The following SIL1 variants were observed in gnomAD, a reference collection of about 807,000 sequenced individuals.
SIL1 encodes the protein SIL1 nucleotide exchange factor, also known as nucleotide exchange factor SIL1.
In SIL1, 40 loss-of-function variants were observed where a neutral mutation model predicts 49.1. That is an observed-to-expected ratio of 0.81 (90% CI 0.63 to 1.06). SIL1 has a LOEUF of 1.06. SIL1 is among the 50% of genes least tolerant of loss of function. The pLI, the probability that SIL1 is intolerant of heterozygous loss-of-function variation, is 0.00. For synonymous variants in SIL1, 253 were observed against 250.8 expected, an observed-to-expected ratio of 1.01 and a Z score of -0.08; for missense variants, 500 against 572.6, an observed-to-expected ratio of 0.87 and a Z score of 1.29.
intron 1 of SIL1, among the ~76,000 whole-genome samples, chr5:139,168,598 T>G (rs1169555475): frequency 6.7e-6 from 1 of 149,392 alleles, no homozygotes; most frequent in Non-Finnish European, 1.5e-5. Context: ...TGAAGTGACT[T>G]CCTGGAGATT....
intron 1 of SIL1, among the ~76,000 whole-genome samples, chr5:139,154,780 T>C (rs1255581449): frequency 2.0e-5 from 3 of 152,218 alleles, no homozygotes; most frequent in Non-Finnish European, 4.4e-5. Context: ...GAAACTAGTG[T>C]TGTAAAACAC....
rs767616943 is a variant in SIL1 at position 139,121,060 on chromosome 5, C to T, written c.219G>A (p.Thr73=). 7 of 1,613,988 alleles carry T rather than the reference C, an allele frequency of 4.3e-6. No individual in the cohort carries two copies. The highest frequency in any genetic ancestry group is 1.1e-5 in the South Asian group (1 of 91,070). ...DAEVLEVFHP[T]HEWQALQPGQ... ...CTGGCTGAAGGGCCTGCCACTCATG[C>T]GTCGGGTGGAACACCTCCAGGACTT... The change falls in exon 3 of 10, where the codon ACG becomes ACA. Residue 73 remains threonine, a synonymous_variant. Coordinates refer to ENST00000394817, the MANE Select transcript of SIL1 (RefSeq NM_022464.5).
chr5:139,097,806 C>G (rs1275297725), intron 3 of SIL1, among the ~76,000 whole-genome samples: 4 of 152,084 alleles, frequency 2.6e-5, no homozygotes, highest in African/African-American at 9.7e-5. Context: ...TATATGCCAA[C>G]AGTGAACAAT....
chr5:139,167,542 A>G (rs1273469727), intron 1 of SIL1, among the ~76,000 whole-genome samples: 2 of 152,232 alleles, frequency 1.3e-5, no homozygotes, highest in Non-Finnish European at 2.9e-5. Context: ...TAATGTATAA[A>G]TATTTTTGTG....
At chr5:138,951,653 C>G in intron 8 of SIL1, 135 bp downstream of exon 8, 1 of 875,894 alleles carries the variant, frequency 1.1e-6, no homozygotes, top group Non-Finnish European at 1.9e-6. Flanking sequence ...TTGAGTGTAA[C>G]TTCTCCCCCT....
intron 7 of SIL1, among the ~76,000 whole-genome samples, chr5:138,976,169 A>G (rs558083415): frequency 6.6e-6 from 1 of 152,338 alleles, no homozygotes; most frequent in South Asian, 2.1e-4. Flanking sequence ...CCCTCCAGTC[A>G]AGGAAAAGCT....
At chr5:139,057,733 T>C (rs1769487536) in intron 3 of SIL1, among the ~76,000 whole-genome samples, 1 of 152,234 alleles carries the variant, frequency 6.6e-6, no homozygotes, top group South Asian at 2.1e-4. Flanking sequence ...TTAGGAATCC[T>C]ATAACAGAGT....
chr5:138,962,723 C>A (rs569688029), intron 7 of SIL1, among the ~76,000 whole-genome samples: 18 of 152,334 alleles, frequency 1.2e-4, no homozygotes, highest in African/African-American at 4.3e-4. Flanking sequence ...AGACCTCCCA[C>A]TGAGTGGCCT....
At chr5:139,133,456 G>C (rs1019245385) in intron 1 of SIL1, 1 of 152,228 alleles carries the variant, frequency 6.6e-6, no homozygotes, top group Non-Finnish European at 1.5e-5. Context: ...ACAAGACTGG[G>C]GGTGGGGATT....
At chr5:139,104,041 G>C (rs181236064) in intron 3 of SIL1, among the ~76,000 whole-genome samples, 5 of 152,322 alleles carry the variant, frequency 3.3e-5, no homozygotes, top group African/African-American at 1.2e-4. Context: ...CCTACAACAA[G>C]TGCTTCCTAT....
chr5:139,061,683 T>C (rs1015325518), intron 3 of SIL1, among the ~76,000 whole-genome samples: 2 of 152,156 alleles, frequency 1.3e-5, no homozygotes, highest in Non-Finnish European at 2.9e-5. Flanking sequence ...AAATAAAAAG[T>C]ACACCAGAAA....
chr5:138,990,445 G>C (rs1195190387), intron 7 of SIL1, among the ~76,000 whole-genome samples: 2 of 152,172 alleles, frequency 1.3e-5, no homozygotes, highest in African/African-American at 2.4e-5. Flanking sequence ...TTTTCTAGAT[G>C]CTTTCCAGCT....
intron 2 of SIL1, among the ~76,000 whole-genome samples, chr5:139,122,522 G>A (rs1750662228): frequency 6.6e-6 from 1 of 151,930 alleles, no homozygotes; most frequent in Admixed American, 6.6e-5. Context: ...TAGAGCCCAG[G>A]AGGCAGAGGC....
chr5:138,972,561 C>T (rs1028505327), intron 7 of SIL1, among the ~76,000 whole-genome samples: 1 of 152,204 alleles, frequency 6.6e-6, no homozygotes, highest in Admixed American at 6.5e-5. Context: ...GAAAGCTCCT[C>T]CTTCCCACTT....
chr5:138,996,255 T>A lies in SIL1; in HGVS notation c.767+24916A>T, dbSNP rs143620184. ...GTGAGATGATATCCCATTGTGATTT[T>A]AATTTGCATTTATCTGATGACTAGT... is the stretch of plus-strand genomic sequence containing the variant. On this transcript the variant is annotated intron_variant, in intron 7 of 9. Transcript: ENST00000394817. Among the ~76,000 whole-genome samples the A allele has an allele frequency of 8.8e-3, 1,344 of 152,348 alleles. 16 individuals carry two copies. The highest frequency in any genetic ancestry group is 0.02 in the Middle Eastern group (6 of 294).
At chr5:138,964,595 CT>C (rs1767094760) in intron 7 of SIL1, among the ~76,000 whole-genome samples, 1 of 152,180 alleles carries the variant, frequency 6.6e-6, no homozygotes, top group Non-Finnish European at 1.5e-5. Flanking sequence ...AGGCCTTCTG[CT>C]GGAATCACTC....
At chr5:139,125,249 C>T (rs929975250) in intron 2 of SIL1, among the ~76,000 whole-genome samples, 4 of 152,216 alleles carry the variant, frequency 2.6e-5, no homozygotes, top group Non-Finnish European at 4.4e-5. Context: ...CTGCCTTCCA[C>T]GCTGGATCAT....
At chr5:139,067,263 A>C (rs954127651) in intron 3 of SIL1, among the ~76,000 whole-genome samples, 1 of 152,240 alleles carries the variant, frequency 6.6e-6, no homozygotes, top group Non-Finnish European at 1.5e-5. Flanking sequence ...AAGGAAAATA[A>C]GAGAAAGATA....
At chr5:139,194,471 T>C (rs1355635564) in intron 1 of SIL1, among the ~76,000 whole-genome samples, 2 of 152,248 alleles carry the variant, frequency 1.3e-5, no homozygotes, top group South Asian at 4.1e-4. Flanking sequence ...CTATTCCGTC[T>C]TTAGTCTACG....
Sources: gnomAD v4.1 joint callset for allele counts (sites outside exome capture counted in the v4.1 genomes callset) on GRCh38, gnomAD v4.1.1 for gene constraint, MANE v1.5 for transcripts, NCBI Gene and HGNC (gene_info 2026-07-23, HGNC 2026-07-21) for gene names.